Variants in BAZ2B observed in about 807,000 individuals in gnomAD.
The protein encoded by BAZ2B is bromodomain adjacent to zinc finger domain 2B.
A neutral mutation model predicts 246.0 loss-of-function variants in BAZ2B; 91 were observed. The observed-to-expected ratio is 0.37, with a 90% confidence interval of 0.31 to 0.44. The LOEUF (loss-of-function observed/expected upper bound fraction) is 0.44. BAZ2B is among the 20% of genes least tolerant of loss of function. The probability of loss-of-function intolerance (pLI) is 1.00; values close to 1 mark genes in which losing one functional copy is unlikely to be tolerated. For synonymous variants in BAZ2B, 855 were observed against 860.0 expected, an observed-to-expected ratio of 0.99 and a Z score of 0.10; for missense variants, 2,332 against 2,533.7, an observed-to-expected ratio of 0.92 and a Z score of 1.71.
chr2:159,357,211 T>G (rs1251263156), intron 27 of BAZ2B, among the ~76,000 whole-genome samples: 1 of 151,854 alleles, frequency 6.6e-6, no homozygotes, highest in African/African-American at 2.4e-5. Context: ...CCCAATGCGA[T>G]GAAGCTAAGA....
chr2:159,347,172 A>G (rs1200827726), intron 31 of BAZ2B, among the ~76,000 whole-genome samples: 1 of 152,172 alleles, frequency 6.6e-6, no homozygotes, highest in Non-Finnish European at 1.5e-5. Context: ...TGCTGGTAGT[A>G]AAGAACTGCG....
At chr2:159,502,615 T>C (rs989519764) in intron 2 of BAZ2B, among the ~76,000 whole-genome samples, 3 of 152,066 alleles carry the variant, frequency 2.0e-5, no homozygotes, top group African/African-American at 4.8e-5. Context: ...GCCTAGGCAA[T>C]AGAGCAAGAC....
At position 159,438,343 on chromosome 2, in the gene BAZ2B, T is replaced by C; in HGVS notation, c.1253A>G (p.Glu418Gly). The stretch of plus-strand genomic sequence containing the variant: ...TTCACTGGTCAATAAACTAGATTCT[T>C]CAGAGGTATTTTTATTCCCTGCTTT... The part of the protein sequence containing the change: ...VLKAGNKNTS[E>G]ESSLLTSELR... Residue 418 changes from glutamate (E) to glycine (G), a missense_variant, in exon 8 of 37, where the codon GAA becomes GGA. By Grantham distance (98) the Glu-to-Gly change is moderately conservative (BLOSUM62 -2). Transcript: ENST00000392783. 1 of 1,614,040 alleles carries C rather than the reference T, an allele frequency of 6.2e-7. No homozygotes were observed. Among genetic ancestry groups the C allele is most frequent in the Non-Finnish European group, 8.5e-7 (1 of 1,179,952 alleles).
chr2:159,495,794 G>C (rs1287747280), intron 2 of BAZ2B, among the ~76,000 whole-genome samples: 1 of 74,186 alleles, frequency 1.3e-5, no homozygotes, highest in Non-Finnish European at 2.9e-5. Flanking sequence ...TTTTGAGACA[G>C]AGTCTCGCTC....
chr2:159,680,918 A>C, the BAZ2B span, among the ~76,000 whole-genome samples: 4 of 152,162 alleles, frequency 2.6e-5, no homozygotes, highest in Non-Finnish European at 5.9e-5. Flanking sequence ...AGTATCCCTA[A>C]ATATATTACA....
At chr2:159,347,141 A>T (rs2068005592) in intron 31 of BAZ2B, among the ~76,000 whole-genome samples, 1 of 152,228 alleles carries the variant, frequency 6.6e-6, no homozygotes, top group African/African-American at 2.4e-5. Context: ...CATCACATTC[A>T]TCTCAGTGAA....
intron 2 of BAZ2B, among the ~76,000 whole-genome samples, chr2:159,515,053 AT>A (rs1280379971): frequency 2.6e-5 from 4 of 151,930 alleles, no homozygotes; most frequent in Non-Finnish European, 5.9e-5. Flanking sequence ...ACATTATCCC[AT>A]TTTTTAACAT....
chr2:159,482,783 T>A (rs2079385529), intron 2 of BAZ2B, among the ~76,000 whole-genome samples: 1 of 152,164 alleles, frequency 6.6e-6, no homozygotes, highest in Non-Finnish European at 1.5e-5. Flanking sequence ...ACAAAATATG[T>A]TATCATGAGT....
chr2:159,527,233 T>C (rs1333704241), intron 2 of BAZ2B, among the ~76,000 whole-genome samples: 1 of 152,198 alleles, frequency 6.6e-6, no homozygotes, highest in Admixed American at 6.6e-5. Flanking sequence ...TCTTTTCATG[T>C]GTTCAGCTGA....
At chr2:159,676,439 A>G in the BAZ2B span, among the ~76,000 whole-genome samples, 1 of 152,278 alleles carries the variant, frequency 6.6e-6, no homozygotes, top group African/African-American at 2.4e-5. Context: ...ACCACTATTC[A>G]TGGCATTATA....
chr2:159,588,024 C>G (rs1688440226), intron 1 of BAZ2B, among the ~76,000 whole-genome samples: 1 of 151,900 alleles, frequency 6.6e-6, no homozygotes, highest in Non-Finnish European at 1.5e-5. Flanking sequence ...GAGACCCGGT[C>G]TCTACTAAAA....
At chr2:159,558,501 C>A (rs2089475343) in intron 1 of BAZ2B, among the ~76,000 whole-genome samples, 1 of 152,066 alleles carries the variant, frequency 6.6e-6, no homozygotes, top group African/African-American at 2.4e-5. Flanking sequence ...CTCAGGTGAT[C>A]CGCCTACCTC....
At chr2:159,632,812 TG>T in the BAZ2B span, among the ~76,000 whole-genome samples, 1 of 152,242 alleles carries the variant, frequency 6.6e-6, no homozygotes, top group South Asian at 2.1e-4. Context: ...AGCAAGAAGT[TG>T]TTCACATCAC....
At chr2:159,557,248 G>A (rs1039154025) in intron 1 of BAZ2B, among the ~76,000 whole-genome samples, 2 of 147,694 alleles carry the variant, frequency 1.4e-5, no homozygotes, top group East Asian at 2.0e-4. Flanking sequence ...TGAGATACGG[G>A]GTCTCACCAT....
intron 20 of BAZ2B, among the ~76,000 whole-genome samples, chr2:159,393,359 C>T (rs564985822): frequency 1.3e-4 from 20 of 152,230 alleles, no homozygotes; most frequent in African/African-American, 4.6e-4. Flanking sequence ...AAACCAGGCT[C>T]GCTCTTTCAG....
intron 1 of BAZ2B, among the ~76,000 whole-genome samples, chr2:159,569,253 C>A (rs57575372): frequency 0.3 from 46,350 of 151,988 alleles, 8,854 homozygotes; most frequent in Admixed American, 0.43. Flanking sequence ...TAGAATTAAT[C>A]AAAGAGAATG....
the BAZ2B span, among the ~76,000 whole-genome samples, chr2:159,661,256 G>A: frequency 6.6e-6 from 1 of 152,174 alleles, no homozygotes; most frequent in Non-Finnish European, 1.5e-5. Flanking sequence ...CAGCCATATT[G>A]TAATGTGTGA....
At chr2:159,435,411 A>T (rs971777855) in intron 8 of BAZ2B, 1 of 151,900 alleles carries the variant, frequency 6.6e-6, no homozygotes, top group African/African-American at 2.4e-5. Flanking sequence ...GCTGGAGTGC[A>T]GTGGCGCGAT....
rs901231555 is a variant in BAZ2B at position 159,470,274 on chromosome 2, C to T, written c.145+8301G>A. Among the ~76,000 whole-genome samples the T allele has an allele frequency of 3.9e-5, 6 of 152,068 alleles. 1 individual carries two copies. Among genetic ancestry groups the T allele is most frequent in the Admixed American group, 2.0e-4 (3 of 15,262 alleles). On this transcript the variant is annotated intron_variant, in intron 3 of 36. Coordinates refer to ENST00000392783, the MANE Select transcript of BAZ2B (RefSeq NM_013450.4). ...ATAATAAAAGACTCTCAGCAAAGAA[C>T]GAATAGAAGGGAACTGTCTCAGTAA...
Sources: allele counts gnomAD v4.1 joint callset (sites outside exome capture counted in the v4.1 genomes callset), GRCh38; gene constraint gnomAD v4.1.1; transcripts MANE v1.5; gene names NCBI Gene and HGNC (gene_info 2026-07-23, HGNC 2026-07-21).